RAP1GAP: variants seen among roughly 807,000 people sequenced by gnomAD.
RAP1GAP encodes the protein RAP1 GTPase activating protein.
In RAP1GAP, 35 loss-of-function variants were observed where a neutral mutation model predicts 87.2. That is an observed-to-expected ratio of 0.40 (90% confidence interval 0.31 to 0.53). The LOEUF (loss-of-function observed/expected upper bound fraction) is 0.53, where lower values mean the gene tolerates loss of function less well. RAP1GAP is among the 20% of genes least tolerant of loss of function. The probability of loss-of-function intolerance (pLI) is 0.48; values close to 1 mark genes in which losing one functional copy is unlikely to be tolerated. For synonymous variants in RAP1GAP, 375 were observed against 363.9 expected (o/e 1.03, Z -0.35); for missense variants, 734 against 898.9 (o/e 0.82, Z 2.35).
chr1:21,650,402 CCCAGATCCAG>C (rs2096469911), intron 1 of RAP1GAP, among the ~76,000 whole-genome samples: 1 of 152,132 alleles, frequency 6.6e-6, no homozygotes, highest in Admixed American at 6.5e-5. Flanking sequence ...CCCAAATCCA[CCCAGATCCAG>C]CCCCAGGACG....
At chr1:21,651,790 C>T in intron 1 of RAP1GAP, 1 of 1,399,170 alleles carries the variant, frequency 7.1e-7, no homozygotes, top group African/African-American at 1.5e-5. Context: ...CGCCGTAGGC[C>T]CCGAAGGTGA....
chr1:21,612,891 A>G, intron 10 of RAP1GAP: 1 of 486,556 alleles, frequency 2.1e-6, no homozygotes, highest in Non-Finnish European at 3.8e-6. Flanking sequence ...GCTTGCTCTC[A>G]GGAGGGTCCC....
intron 2 of RAP1GAP, among the ~76,000 whole-genome samples, chr1:21,637,156 T>C (rs10917027): frequency 0.17 from 25,884 of 149,052 alleles, 2,635 homozygotes; most frequent in East Asian, 0.35. Flanking sequence ...TTTTTTTTTT[T>C]TTTTTTTGGT....
chr1:21,665,310 G>A (rs753562631), intron 1 of RAP1GAP: 4 of 508,918 alleles, frequency 7.9e-6, no homozygotes, highest in Non-Finnish European at 1.6e-5. Flanking sequence ...GTTGGCAGAG[G>A]TATTAACCTG....
chr1:21,632,593 C>T (rs1402067025), intron 2 of RAP1GAP, among the ~76,000 whole-genome samples: 1 of 152,186 alleles, frequency 6.6e-6, no homozygotes, highest in African/African-American at 2.4e-5. Context: ...AAGAGAGTTC[C>T]ATACTCTGCA....
chr1:21,646,852 C>T (rs2096097140), intron 2 of RAP1GAP, among the ~76,000 whole-genome samples: 1 of 152,212 alleles, frequency 6.6e-6, no homozygotes. Context: ...CATCTGCACA[C>T]CTACTCTGAG....
intron 1 of RAP1GAP, among the ~76,000 whole-genome samples, chr1:21,652,808 C>G (rs561932593): frequency 1.9e-4 from 29 of 152,306 alleles, no homozygotes; most frequent in African/African-American, 2.9e-4. Flanking sequence ...GTTACTAGCC[C>G]TGACCCCAGA....
At chr1:21,641,810 A>G (rs2095548964) in intron 2 of RAP1GAP, among the ~76,000 whole-genome samples, 1 of 152,236 alleles carries the variant, frequency 6.6e-6, no homozygotes. Flanking sequence ...CTAGAACCCC[A>G]GCACATCAGA....
chr1:21,652,251 C>G (rs2096636882), intron 1 of RAP1GAP, among the ~76,000 whole-genome samples: 1 of 152,084 alleles, frequency 6.6e-6, no homozygotes, highest in Non-Finnish European at 1.5e-5. Context: ...AAGCCTGGGT[C>G]TGCACGGCGG....
chr1:21,613,139 C>T lies in RAP1GAP; in HGVS notation c.528+37G>A, dbSNP rs1181316034. 1 of 1,522,520 alleles carries T rather than the reference C, an allele frequency of 6.6e-7. No individual in the cohort carries two copies. Among genetic ancestry groups the T allele is most frequent in the South Asian group, 1.1e-5 (1 of 89,166 alleles). 94.3% of individuals were successfully genotyped at this position (1,522,520 alleles called of 1,614,324 possible). ...AAATGCTCAGTCTTCCAGTTACTCA[C>T]CCACCCTCAGTGAGCTGTGCCCAGA... On this transcript the variant is annotated intron_variant, in intron 10 of 24. Coordinates refer to ENST00000374765, the MANE Select transcript of RAP1GAP (RefSeq NM_002885.4). This position sits in a 1 kb window ranked among gnomAD's most constrained non-coding sequence, Gnocchi z 4.7.
intron 17 of RAP1GAP, 112 bp from the exon 18 acceptor site, chr1:21,606,309 G>A (rs2074513052): frequency 7.0e-7 from 1 of 1,424,130 alleles, no homozygotes; most frequent in Non-Finnish European, 9.4e-7. Context: ...CTCTGGGTAA[G>A]CCCTGGAAAT....
At chr1:21,651,846 C>A in intron 1 of RAP1GAP, 1 of 1,133,316 alleles carries the variant, frequency 8.8e-7, no homozygotes, top group South Asian at 4.0e-5. Flanking sequence ...CCGCCCGGCC[C>A]GGCCCGCGCG....
chr1:21,598,214 C>T lies in RAP1GAP; in HGVS notation c.1880-150G>A, dbSNP rs188271514. ...CCCCCATTATCCTCCGAGACCCTTC[C>T]GGAAGAAACCAGCCCTCCAATCCAC... On this transcript the variant is annotated intron_variant, in intron 22 of 24. Transcript: ENST00000374765. 98 of 760,876 alleles carry T rather than the reference C, an allele frequency of 1.3e-4. No homozygotes were observed. In the East Asian group the frequency reaches 1.8e-3, roughly 14 times the overall value. The allele number at this position is 760,876 out of a possible 1,614,324, so 47.1% of individuals were successfully genotyped here. A position where few individuals can be genotyped will look rare whatever the true frequency, so the allele number is the denominator to read the frequency against.
intron 1 of RAP1GAP, among the ~76,000 whole-genome samples, chr1:21,656,322 G>A (rs1183841307): frequency 4.0e-5 from 6 of 151,062 alleles, no homozygotes; most frequent in Non-Finnish European, 8.8e-5. Context: ...AGGAGGCTGA[G>A]GCAGGAGAAT....
In RAP1GAP at chr1:21,613,807, G is replaced by T; in HGVS notation, c.396-101C>A. On this transcript the variant is annotated intron_variant, in intron 8 of 24. Transcript: ENST00000374765. The surrounding 1 kb of genome is among the most constrained non-coding windows in gnomAD (Gnocchi z 4.7). ...AGGCCAGAAGGGGGTGGACCACAGCGAGGACCAGAGGTGATGATGGGTGTC... is the reference window on the plus strand; with the variant it reads ...AGGCCAGAAGGGGGTGGACCACAGCTAGGACCAGAGGTGATGATGGGTGTC... 3 of 1,269,144 alleles carry T rather than the reference G, an allele frequency of 2.4e-6. No homozygotes were observed. The highest frequency in any genetic ancestry group is 2.4e-5 in the South Asian group (2 of 83,224). The allele number at this position is 1,269,144 out of a possible 1,614,324, so 78.6% of individuals were successfully genotyped here.
At chr1:21,651,434 G>A (rs2096553876) in intron 1 of RAP1GAP, 2 of 573,174 alleles carry the variant, frequency 3.5e-6, no homozygotes, top group East Asian at 9.0e-5. Context: ...GCACACACAC[G>A]CGCGCACACA....
intron 1 of RAP1GAP, 104 bp from the exon 2 acceptor site, chr1:21,649,900 T>C: frequency 8.2e-7 from 1 of 1,219,724 alleles, no homozygotes; most frequent in South Asian, 1.3e-5. Context: ...CCAGAGGGGC[T>C]GGAGAAGGTC....
Position 21,609,990 on chromosome 1 carries a change from C to T in RAP1GAP, c.999+130G>A. 8.6e-7 allele frequency: 1 copy of T among 1,156,568 alleles called. No homozygotes were observed. The highest frequency in any genetic ancestry group is 1.2e-6 in the Non-Finnish European group (1 of 834,172). The allele number at this position is 1,156,568 out of a possible 1,614,324, so 71.6% of individuals were successfully genotyped here. ...GACAGGGGGCGTGGTGTGAACAGTG[C>T]ACCATTGAAGCCTTCCATGGTCCCC... On this transcript the variant is annotated intron_variant, in intron 14 of 24. Coordinates refer to ENST00000374765, the MANE Select transcript of RAP1GAP (RefSeq NM_002885.4). This position sits in a 1 kb window ranked among gnomAD's most constrained non-coding sequence, Gnocchi z 4.4.
At chr1:21,651,786 A>G in intron 1 of RAP1GAP, 1 of 1,397,170 alleles carries the variant, frequency 7.2e-7, no homozygotes, top group Non-Finnish European at 9.3e-7. Flanking sequence ...TACCCGCCGT[A>G]GGCCCCGAAG....
Sources: allele counts gnomAD v4.1 joint callset (sites outside exome capture counted in the v4.1 genomes callset), GRCh38; gene constraint gnomAD v4.1.1; non-coding constraint Gnocchi (gnomAD v3.1); transcripts MANE v1.5; gene names NCBI Gene and HGNC (gene_info 2026-07-23, HGNC 2026-07-21).